Variants in TMEM272 observed in about 807,000 individuals in gnomAD.
TMEM272 encodes the protein long intergenic non-protein coding RNA 282.
In TMEM272, 8 loss-of-function variants were observed where a neutral mutation model predicts 3.7. That is an observed-to-expected ratio of 2.17 (90% CI 1.27 to 3.91). The LOEUF is 3.91. Ranked by LOEUF, TMEM272 falls within the 30% of genes most tolerant of loss-of-function variation. The pLI is 0.00. For missense variants in TMEM272, 166 were observed against 91.5 expected (o/e 1.81, Z -3.32); for synonymous variants, 63 against 39.8 (o/e 1.58, Z -2.20).
intron 4 of TMEM272, among the ~76,000 whole-genome samples, chr13:51,820,348 C>T (rs1373010510): frequency 6.6e-6 from 1 of 152,202 alleles, no homozygotes; most frequent in African/African-American, 2.4e-5. Flanking sequence ...CCATCATTAT[C>T]ACAGGCAAAC....
At chr13:51,926,899 T>C in the TMEM272 span, among the ~76,000 whole-genome samples, 131 of 152,092 alleles carry the variant, frequency 8.6e-4, no homozygotes, top group African/African-American at 3.0e-3. Flanking sequence ...AAAAATAAAA[T>C]AATAAAACAA....
the TMEM272 span, among the ~76,000 whole-genome samples, chr13:51,903,495 G>A: frequency 6.6e-6 from 1 of 152,122 alleles, no homozygotes; most frequent in African/African-American, 2.4e-5. Context: ...GTCACTTCAG[G>A]TTCTGGCTGC....
chr13:51,862,900 C>T, the TMEM272 span, among the ~76,000 whole-genome samples: 9 of 152,250 alleles, frequency 5.9e-5, no homozygotes, highest in East Asian at 1.2e-3. Context: ...CCTATATAGG[C>T]GGCGTTATAT....
chr13:51,887,844 C>T, the TMEM272 span, among the ~76,000 whole-genome samples: 2 of 152,200 alleles, frequency 1.3e-5, no homozygotes, highest in Non-Finnish European at 2.9e-5. Context: ...AGAGTAAAGG[C>T]AAGTTGGGCC....
At chr13:51,850,707 A>G in the TMEM272 span, among the ~76,000 whole-genome samples, 1 of 152,210 alleles carries the variant, frequency 6.6e-6, no homozygotes, top group East Asian at 1.9e-4. Flanking sequence ...GATATTTAAA[A>G]TTTAAATCTA....
At chr13:51,900,418 C>T in the TMEM272 span, among the ~76,000 whole-genome samples, 10 of 152,284 alleles carry the variant, frequency 6.6e-5, no homozygotes, top group East Asian at 1.5e-3. Flanking sequence ...ATCAAAACCA[C>T]AATGACATAC....
At chr13:51,919,848 C>CCA in the TMEM272 span, among the ~76,000 whole-genome samples, 6 of 152,210 alleles carry the variant, frequency 3.9e-5, no homozygotes, top group Non-Finnish European at 1.5e-5. Context: ...TCTGACTCCC[C>CCA]CACTCAAATG....
the TMEM272 span, among the ~76,000 whole-genome samples, chr13:51,899,227 C>G: frequency 1.3e-5 from 2 of 151,994 alleles, no homozygotes; most frequent in Admixed American, 6.6e-5. Flanking sequence ...GATGAATAAT[C>G]TGAAGATGAA....
chr13:51,909,035 T>G, the TMEM272 span: 2 of 1,476,426 alleles, frequency 1.4e-6, no homozygotes, highest in African/African-American at 2.8e-5. Context: ...AGAGAAAAGC[T>G]CTCGTTTCAG....
the TMEM272 span, among the ~76,000 whole-genome samples, chr13:51,892,056 T>C: frequency 6.6e-6 from 1 of 152,186 alleles, no homozygotes; most frequent in Admixed American, 6.5e-5. Flanking sequence ...TCCATTTTCA[T>C]ACCCAGATGT....
the TMEM272 span, among the ~76,000 whole-genome samples, chr13:51,873,885 G>C: frequency 6.6e-6 from 1 of 152,198 alleles, no homozygotes; most frequent in Non-Finnish European, 1.5e-5. Context: ...AAGGCTTTGT[G>C]GCTGCCCAGC....
upstream of TMEM272, among the ~76,000 whole-genome samples, chr13:51,846,125 T>A (rs1956303228): frequency 6.6e-6 from 1 of 152,158 alleles, no homozygotes; most frequent in Admixed American, 6.5e-5. Flanking sequence ...CTCTCCGGGC[T>A]CACTCTAGGG....
chr13:51,928,654 C>T, the TMEM272 span, among the ~76,000 whole-genome samples: 2 of 152,146 alleles, frequency 1.3e-5, no homozygotes, highest in Non-Finnish European at 1.5e-5. Context: ...CAGTTCTTAT[C>T]AAACAGATGA....
the TMEM272 span, among the ~76,000 whole-genome samples, chr13:51,916,264 C>T: frequency 6.6e-6 from 1 of 152,112 alleles, no homozygotes; most frequent in Non-Finnish European, 1.5e-5. Context: ...CTGTGCATTA[C>T]AGAAGCCTTG....
At chr13:51,831,594 G>A (rs956317095) in intron 2 of TMEM272, among the ~76,000 whole-genome samples, 2 of 152,184 alleles carry the variant, frequency 1.3e-5, no homozygotes, top group Non-Finnish European at 2.9e-5. Flanking sequence ...TTACCAGCAC[G>A]AGGCCTTCTT....
chr13:51,878,050 A>G, the TMEM272 span, among the ~76,000 whole-genome samples: 3 of 152,344 alleles, frequency 2.0e-5, no homozygotes, highest in Admixed American at 6.5e-5. Context: ...GAAACTTACA[A>G]TCATGGCAGA....
In TMEM272 at chr13:51,816,736, T is replaced by C. The variant is rs1956030879; in HGVS notation, c.*15A>G. 1.4e-6 allele frequency: 1 copy of C among 691,226 alleles called. No individual in the cohort carries two copies. The highest frequency in any genetic ancestry group is 2.7e-6 in the Non-Finnish European group (1 of 377,240). The allele number at this position is 691,226 out of a possible 1,614,324, so 42.8% of individuals were successfully genotyped here. On this transcript the variant is annotated 3_prime_UTR_variant, in exon 5 of 5. Transcript: ENST00000629372. ...ACACGCATATGCATACATGGTATGC[T>C]GGACAAGGCAGCTGTCAGTCTTCAT... is the stretch of plus-strand genomic sequence containing the variant.
the TMEM272 span, chr13:51,865,329 C>A: frequency 6.8e-7 from 1 of 1,477,184 alleles, no homozygotes; most frequent in Non-Finnish European, 9.1e-7. Context: ...GCTGCCCCCA[C>A]AGGGTCTGAC....
the TMEM272 span, among the ~76,000 whole-genome samples, chr13:51,897,684 T>C: frequency 2.6e-5 from 4 of 151,728 alleles, no homozygotes; most frequent in Admixed American, 6.6e-5. Flanking sequence ...CCCAGTACTT[T>C]GGGAGGCCGA....
Sources: allele counts gnomAD v4.1 joint callset (sites outside exome capture counted in the v4.1 genomes callset), GRCh38; gene constraint gnomAD v4.1.1; transcripts MANE v1.5; gene names NCBI Gene and HGNC (gene_info 2026-07-23, HGNC 2026-07-21).